PDE12: variants seen among roughly 807,000 people sequenced by gnomAD.
PDE12 encodes phosphodiesterase 12.
PDE12 carries 26 observed loss-of-function variants against 45.4 expected under a neutral mutation model. The ratio of observed to expected loss-of-function variants is 0.57; its 90% CI spans 0.42 to 0.79. The LOEUF (loss-of-function observed/expected upper bound fraction) is 0.79. Ranked by LOEUF, PDE12 falls within the 30% of genes least tolerant of loss-of-function variation. PDE12 has a pLI of 0.00. For missense variants in PDE12, 668 were observed against 790.0 expected (o/e 0.85, Z 1.85); for synonymous variants, 283 against 323.9 (o/e 0.87, Z 1.36).
the PDE12 span, among the ~76,000 whole-genome samples, chr3:57,646,740 C>T: frequency 6.6e-6 from 1 of 152,064 alleles, no homozygotes; most frequent in Non-Finnish European, 1.5e-5. Flanking sequence ...ACCATATGAT[C>T]GATCTATTTT....
the PDE12 span, chr3:57,584,264 G>A: frequency 9.6e-7 from 1 of 1,036,678 alleles, no homozygotes; most frequent in Non-Finnish European, 1.4e-6. Context: ...CACCCGGCCT[G>A]TTTTAAAAGT....
rs2069656953 is a variant in PDE12 at position 57,556,328 on chromosome 3, A to G, written c.-52A>G. ...CCTCGGCTCCTCAGCTCCACCTGAC[A>G]GTAGGCCGCTGATCGGCCGCGGGTC... On this transcript the variant is annotated 5_prime_UTR_variant, in exon 1 of 3. Coordinates refer to ENST00000311180, the MANE Select transcript of PDE12 (RefSeq NM_177966.7). The surrounding 1 kb of genome is among the most constrained non-coding windows in gnomAD (Gnocchi z 5.0). The G allele has an allele frequency of 2.7e-6, 4 of 1,496,662 alleles. No homozygotes were observed. The highest frequency in any genetic ancestry group is 2.5e-5 in the South Asian group (2 of 78,882). 92.7% of individuals were successfully genotyped at this position (1,496,662 alleles called of 1,614,324 possible).
Position 57,556,425 on chromosome 3 carries a change from A to G in PDE12, c.46A>G (p.Thr16Ala), listed in dbSNP as rs779141104. 1 of 1,610,592 alleles carries G rather than the reference A, an allele frequency of 6.2e-7. No individual in the cohort carries two copies. The highest frequency in any genetic ancestry group is 2.2e-5 in the East Asian group (1 of 44,758). ...CCGCGCCGCGCTTCGGGTGATCCGGACGGCGGTGGAGAAGCTGAGCCGGGC... is the reference window on the plus strand; with the variant it reads ...CCGCGCCGCGCTTCGGGTGATCCGGGCGGCGGTGGAGAAGCTGAGCCGGGC... ...GARAALRVIR[T>A]AVEKLSRAEA... Residue 16 changes from threonine (T) to alanine (A), a missense_variant, in exon 1 of 3, where the codon ACG (threonine) becomes GCG (alanine). By Grantham distance (58) the Thr-to-Ala change is moderately conservative. Around this residue, in one of 3 missense-constraint regions of PDE12, gnomAD observed 580 missense variants for 662.9 expected, o/e 0.87. Coordinates refer to ENST00000311180, the MANE Select transcript of PDE12 (RefSeq NM_177966.7). The surrounding 1 kb of genome is among the most constrained non-coding windows in gnomAD (Gnocchi z 5.0).
the PDE12 span, chr3:57,600,604 C>G: frequency 1.3e-5 from 2 of 151,804 alleles, no homozygotes; most frequent in Non-Finnish European, 2.9e-5. Flanking sequence ...TTGTAGAGAC[C>G]AGCATGTTGC....
Position 57,566,419 on chromosome 3 carries a change from A to G in PDE12, c.*6415A>G, listed in dbSNP as rs750885485. 6.6e-6 allele frequency: 1 copy of G among 152,188 alleles called. No homozygotes were observed. Among genetic ancestry groups the G allele is most frequent in the African/African-American group, 2.4e-5 (1 of 41,440 alleles). 9.4% of individuals were successfully genotyped at this position (152,188 alleles called of 1,614,324 possible). On this transcript the variant is annotated 3_prime_UTR_variant, in exon 3 of 3. Transcript: ENST00000311180. ...GAATTGCTTCCACTTCCTGGCTTCT[A>G]TGAATAATGCTGCCATAAACATTTG... is the stretch of plus-strand genomic sequence containing the variant.
chr3:57,609,501 A>G, the PDE12 span, among the ~76,000 whole-genome samples: 1 of 152,128 alleles, frequency 6.6e-6, no homozygotes, highest in Admixed American at 6.6e-5. Context: ...CAAGACTAAT[A>G]AGAAGAGAGA....
the PDE12 span, among the ~76,000 whole-genome samples, chr3:57,607,153 C>T: frequency 7.2e-5 from 11 of 152,126 alleles, no homozygotes; most frequent in African/African-American, 2.7e-4. Flanking sequence ...AGTGGACCTC[C>T]AGCAAACTCC....
At chr3:57,611,891 A>G in the PDE12 span, among the ~76,000 whole-genome samples, 8 of 152,308 alleles carry the variant, frequency 5.3e-5, no homozygotes, top group Admixed American at 5.2e-4. Context: ...CTGGGTATAT[A>G]CCCAAAGGAT....
chr3:57,556,508 A>G lies in PDE12; in HGVS notation c.129A>G (p.Val43=), dbSNP rs370419323. ...TGGAGCGCGCTGTAGTGCGCTGCGT[A>G]CCTTCGGAACCCAAGCTGAGCCTGT... ...GAMERAVVRC[V]PSEPKLSLSF... is the part of the protein sequence containing the mutation. Residue 43 remains valine (V), a synonymous_variant, in exon 1 of 3, where the codon GTA becomes GTG. Coordinates refer to ENST00000311180, the MANE Select transcript of PDE12 (RefSeq NM_177966.7). The surrounding 1 kb of genome is among the most constrained non-coding windows in gnomAD (Gnocchi z 5.0). 19 of 1,613,280 alleles carry G rather than the reference A, an allele frequency of 1.2e-5. No homozygotes were observed. Among genetic ancestry groups the G allele is most frequent in the African/African-American group, 4.0e-5 (3 of 74,944 alleles).
At chr3:57,582,660 C>G in the PDE12 span, among the ~76,000 whole-genome samples, 1 of 152,102 alleles carries the variant, frequency 6.6e-6, no homozygotes, top group Non-Finnish European at 1.5e-5. Context: ...GCAATAAACC[C>G]CACTTGTATG....
chr3:57,558,737 G>A (rs2069693718), intron 1 of PDE12, among the ~76,000 whole-genome samples: 1 of 151,480 alleles, frequency 6.6e-6, no homozygotes, highest in Non-Finnish European at 1.5e-5. Flanking sequence ...TGATCCGCCC[G>A]CCTCAGCCTC....
the PDE12 span, among the ~76,000 whole-genome samples, chr3:57,650,868 T>C: frequency 6.7e-6 from 1 of 148,956 alleles, no homozygotes; most frequent in East Asian, 2.0e-4. Context: ...CACCACAACC[T>C]CCGCCTCCCA....
chr3:57,625,658 T>C, the PDE12 span: 2 of 151,992 alleles, frequency 1.3e-5, no homozygotes, highest in Admixed American at 6.6e-5. Context: ...AAAAGACAAA[T>C]CTAAAAATCA....
At chr3:57,615,626 A>C in the PDE12 span, among the ~76,000 whole-genome samples, 1 of 152,082 alleles carries the variant, frequency 6.6e-6, no homozygotes, top group African/African-American at 2.4e-5. Flanking sequence ...CAACATGGTG[A>C]AACCTCGTCT....
At chr3:57,577,529 T>TA in the PDE12 span, 1 of 646,784 alleles carries the variant, frequency 1.5e-6, no homozygotes, top group South Asian at 2.0e-5. Context: ...GCTGTAATGC[T>TA]AAAAGCTGAT....
chr3:57,585,299 G>C, the PDE12 span, among the ~76,000 whole-genome samples: 15 of 152,060 alleles, frequency 9.9e-5, 1 homozygote, highest in East Asian at 2.7e-3. Context: ...TGATGCTAAG[G>C]GGTAAAAAAT....
In PDE12 at chr3:57,557,654, G is replaced by A. The variant is rs2069681311; in HGVS notation, c.1275G>A (p.Gln425=). The change falls in exon 1 of 3, where the codon CAG becomes CAA. Residue 425 remains glutamine (Q), a synonymous_variant. Transcript: ENST00000311180. ...AACTAGTTTTGTACCCATCAGCGCA[G>A]GAGAAGGTGCTCCAGAGATCTTCTG... is the stretch of plus-strand genomic sequence containing the variant. ...LEKLVLYPSA[Q]EKVLQRSSVL... 1 of 1,614,076 alleles carries A rather than the reference G, an allele frequency of 6.2e-7. No homozygotes were observed.
the PDE12 span, among the ~76,000 whole-genome samples, chr3:57,616,350 AAAG>A: frequency 2.5e-4 from 38 of 150,078 alleles, no homozygotes; most frequent in East Asian, 1.6e-3. Context: ...AAGAAGAAGA[AAAG>A]GAGGAGGAGG....
chr3:57,632,200 T>C, the PDE12 span, among the ~76,000 whole-genome samples: 2 of 146,626 alleles, frequency 1.4e-5, no homozygotes, highest in Non-Finnish European at 3.0e-5. Context: ...TTTGTATTTT[T>C]AGTAGAGACG....
Sources: gnomAD v4.1 joint callset for allele counts (sites outside exome capture counted in the v4.1 genomes callset) on GRCh38, gnomAD v4.1.1 for gene constraint, gnomAD v4.1.1 regional missense constraint, Gnocchi (gnomAD v3.1) non-coding constraint, MANE v1.5 for transcripts, NCBI Gene and HGNC (gene_info 2026-07-23, HGNC 2026-07-21) for gene names.